The following PRPF3 variants were observed in gnomAD, a reference collection of about 807,000 sequenced individuals.
PRPF3 encodes the protein pre-mRNA processing factor 3, also known as U4/U6 small nuclear ribonucleoprotein Prp3.
Under a neutral mutation model 89.2 loss-of-function variants are expected in PRPF3, and 3 were observed. The observed-to-expected ratio is 0.03, with a 90% CI of 0.02 to 0.09. PRPF3 has a LOEUF of 0.09. PRPF3 is among the 10% of genes least tolerant of loss of function. The pLI is 1.00. For synonymous variants in PRPF3, 270 were observed against 289.1 expected (o/e 0.93, Z 0.67); for missense variants, 463 against 828.8 (o/e 0.56, Z 5.42).
At chr1:150,344,875 CT>C (rs1353633419) in intron 12 of PRPF3, among the ~76,000 whole-genome samples, 29 of 145,256 alleles carry the variant, frequency 2.0e-4, no homozygotes, top group South Asian at 1.8e-3. Context: ...CATCCTATTT[CT>C]TTTTTTTTTC....
chr1:150,339,317 A>C (rs1425003142), intron 8 of PRPF3, among the ~76,000 whole-genome samples: 8 of 151,692 alleles, frequency 5.3e-5, no homozygotes, highest in Admixed American at 5.3e-4. Context: ...TCTGTGCTGC[A>C]GTCAGCTATG....
rs587756570 is a variant in PRPF3 at position 150,338,061 on chromosome 1, C to T, written c.1036-99C>T. 3.0e-3 allele frequency: 3,997 copies of T among 1,320,032 alleles called. 10 individuals carry two copies. The highest frequency in any genetic ancestry group is 3.6e-3 in the Non-Finnish European group (3,422 of 957,686). 81.8% of individuals were successfully genotyped at this position (1,320,032 alleles called of 1,614,324 possible). ...TGCACTCCAGCCTGGGCAAGAAGAA[C>T]GAAACTCCGTCTCAAAAAAAAAAAA... On this transcript the variant is annotated intron_variant, in intron 7 of 15. Transcript: ENST00000324862.
chr1:150,351,354 C>A (rs1658905047), intron 15 of PRPF3, among the ~76,000 whole-genome samples: 1 of 151,762 alleles, frequency 6.6e-6, no homozygotes, highest in Non-Finnish European at 1.5e-5. Flanking sequence ...AAGGAGCAAT[C>A]AAAAAATAAA....
intron 15 of PRPF3, among the ~76,000 whole-genome samples, chr1:150,351,418 A>T (rs1553874328): frequency 6.6e-6 from 1 of 152,148 alleles, no homozygotes; most frequent in African/African-American, 2.4e-5. Context: ...TCTTCAATTT[A>T]TGCATACAAA....
In PRPF3 at chr1:150,325,864, A is replaced by C; in HGVS notation, c.259A>C (p.Arg87=). Reference sequence around the variant, plus strand: ...TTCCAAGTCTAGCAGTGACAGGAGCAGAAAACGAGAGCTAAAGGTAGGTTA... The same window carrying C: ...TTCCAAGTCTAGCAGTGACAGGAGCCGAAAACGAGAGCTAAAGGTAGGTTA... ...RHSKSSSDRS[R]KRELKEVFGD... is the part of the protein sequence containing the mutation. The change falls in exon 3 of 16, where the codon AGA becomes CGA. Residue 87 remains arginine (R), a synonymous_variant. Transcript: ENST00000324862. The C allele has an allele frequency of 6.2e-7, 1 of 1,613,424 alleles. No homozygotes were observed. The highest frequency in any genetic ancestry group is 1.7e-4 in the Middle Eastern group (1 of 6,044).
At chr1:150,327,659 A>G (rs1004874013) in intron 3 of PRPF3, 1 of 984,914 alleles carries the variant, frequency 1.0e-6, no homozygotes, top group Non-Finnish European at 1.2e-6. Flanking sequence ...ACCGGTGTGT[A>G]CATTTGCTTT....
At chr1:150,348,459 C>CCTTTTTTTTTTTTTTTTTTT (rs1553873583) in intron 14 of PRPF3, among the ~76,000 whole-genome samples, 2 of 34,824 alleles carry the variant, frequency 5.7e-5, no homozygotes, top group African/African-American at 9.4e-5. Flanking sequence ...TCTACACGTG[C>CCTTTTTTTTTTTTTTTTTTT]ATTTTTTTTT....
chr1:150,328,547 A>ATTTTCTTT, intron 4 of PRPF3, 81 bp downstream of exon 4: 1 of 579,110 alleles, frequency 1.7e-6, no homozygotes, highest in Non-Finnish European at 2.4e-6. Context: ...TTATTGTGGA[A>ATTTTCTTT]TTTTTTTTTT....
chr1:150,324,086 TC>T, intron 1 of PRPF3, among the ~76,000 whole-genome samples: 1 of 152,018 alleles, frequency 6.6e-6, no homozygotes, highest in East Asian at 1.9e-4. Flanking sequence ...GCCAGAACAT[TC>T]TTAAAGATCA....
intron 4 of PRPF3, among the ~76,000 whole-genome samples, chr1:150,332,212 A>T (rs980771267): frequency 7.4e-6 from 1 of 134,958 alleles, no homozygotes; most frequent in African/African-American, 2.8e-5. Flanking sequence ...TGACAGAGCG[A>T]GACTCCATCT....
chr1:150,347,130 A>G (rs1658347877), intron 14 of PRPF3, among the ~76,000 whole-genome samples: 1 of 151,936 alleles, frequency 6.6e-6, no homozygotes, highest in Non-Finnish European at 1.5e-5. Context: ...CTATACATTC[A>G]TGTGTACAGT....
chr1:150,341,105 CAAA>C (rs71086503), intron 9 of PRPF3, among the ~76,000 whole-genome samples: 8,207 of 86,580 alleles, frequency 0.095, 240 homozygotes, highest in Non-Finnish European at 0.11. Flanking sequence ...GACCTTGTCT[CAAA>C]AAAAAAAAAA....
intron 3 of PRPF3, chr1:150,327,482 G>T (rs1288338870): frequency 1.8e-5 from 12 of 667,278 alleles, no homozygotes; most frequent in Non-Finnish European, 2.2e-5. Context: ...TTGGGATACG[G>T]GTCCCATTTT....
intron 3 of PRPF3, chr1:150,327,619 G>A: frequency 1.0e-6 from 1 of 985,856 alleles, no homozygotes; most frequent in Non-Finnish European, 1.2e-6. Context: ...AGCCCTCCTA[G>A]TGAAGAGGGG....
intron 9 of PRPF3, among the ~76,000 whole-genome samples, chr1:150,341,208 C>A (rs1459963614): frequency 6.6e-6 from 1 of 151,692 alleles, no homozygotes; most frequent in Non-Finnish European, 1.5e-5. Flanking sequence ...AGGAAAGAGC[C>A]CTCAGCTTGC....
At chr1:150,342,574 G>C (rs587715984) in intron 9 of PRPF3, among the ~76,000 whole-genome samples, 1 of 151,934 alleles carries the variant, frequency 6.6e-6, no homozygotes, top group South Asian at 2.1e-4. Flanking sequence ...AGAGTGCAGT[G>C]GCAAGTGGCA....
intron 1 of PRPF3, 73 bp from the exon 2 acceptor site, chr1:150,324,822 C>T (rs1346269023): frequency 8.1e-6 from 10 of 1,240,052 alleles, no homozygotes; most frequent in African/African-American, 1.5e-5. Context: ...GCTGGGATTA[C>T]AGGCATGAGC....
At position 150,344,156 on chromosome 1, in the gene PRPF3, C is replaced by A. The variant is rs1553872200; in HGVS notation, c.1427-6C>A. 1 of 1,612,492 alleles carries A rather than the reference C, an allele frequency of 6.2e-7. No homozygotes were observed. Among genetic ancestry groups the A allele is most frequent in the Non-Finnish European group, 8.5e-7 (1 of 1,179,272 alleles). ...AAGACTGATTGTTGTCCTCTCTTCA[C>A]TGCAGTGAGAATTTCTAATTTGATG... On this transcript the variant is annotated splice_region_variant and splice_polypyrimidine_tract_variant and intron_variant, in intron 10 of 15. Transcript: ENST00000324862.
rs1658250648 is a variant in PRPF3 at position 150,346,155 on chromosome 1, AG to A, written c.1759+22del. 2 of 1,595,228 alleles carry A rather than the reference AG, an allele frequency of 1.3e-6. No individual in the cohort carries two copies. Among genetic ancestry groups the A allele is most frequent in the Non-Finnish European group, 1.7e-6 (2 of 1,162,828 alleles). On this transcript the variant is annotated intron_variant, in intron 13 of 15. Coordinates refer to ENST00000324862, the MANE Select transcript of PRPF3 (RefSeq NM_004698.4). ...GAAGGGGGTGAGTCTGAAAAACTTG[AG>A]GGAGACTGTCCCCAGACAACCCTAG...
Sources: gnomAD v4.1 joint callset for allele counts (sites outside exome capture counted in the v4.1 genomes callset) on GRCh38, gnomAD v4.1.1 for gene constraint, MANE v1.5 for transcripts, NCBI Gene and HGNC (gene_info 2026-07-23, HGNC 2026-07-21) for gene names.